Variants in OSBPL1A observed in about 807,000 individuals in gnomAD.
OSBPL1A encodes oxysterol-binding protein-related protein 1.
Under a neutral mutation model 137.1 loss-of-function variants are expected in OSBPL1A, and 80 were observed. The observed-to-expected ratio is 0.58, with a 90% CI of 0.49 to 0.70. The LOEUF is 0.70. Among genes scored for constraint, OSBPL1A ranks in the 30% least tolerant of loss-of-function variants. The probability of loss-of-function intolerance (pLI) is 0.00; values close to 1 mark genes in which losing one functional copy is unlikely to be tolerated. For synonymous variants in OSBPL1A, 365 were observed against 389.7 expected (o/e 0.94, Z 0.75); for missense variants, 970 against 1,129.4 (o/e 0.86, Z 2.02).
intron 17 of OSBPL1A, among the ~76,000 whole-genome samples, chr18:24,220,808 GT>G (rs1196440747): frequency 6.6e-6 from 1 of 151,386 alleles, no homozygotes; most frequent in Admixed American, 6.6e-5. Context: ...GTGAGATTTT[GT>G]TTTGTTTTGG....
intron 21 of OSBPL1A, among the ~76,000 whole-genome samples, chr18:24,175,058 T>A (rs2086388402): frequency 6.9e-6 from 1 of 144,582 alleles, no homozygotes; most frequent in Non-Finnish European, 1.5e-5. Flanking sequence ...GAATTATAGG[T>A]GTGAGCCACT....
At chr18:24,361,227 A>G (rs1476814537) in intron 4 of OSBPL1A, among the ~76,000 whole-genome samples, 1 of 152,082 alleles carries the variant, frequency 6.6e-6, no homozygotes, top group African/African-American at 2.4e-5. Flanking sequence ...AGGTCTCCCT[A>G]TGTTGCCCAA....
Position 24,377,463 on chromosome 18 carries a change from A to C in OSBPL1A, c.71T>G (p.Leu24Arg). ...TTCATTCCTCGCCATGGTCTCTAAT[A>C]GTTGTCTTACTTCTTCAGCATTGCC... ...RNGNAEEVRQLLETMARNEVI... is the reference protein window; with the variant it reads ...RNGNAEEVRQRLETMARNEVI... The change falls in exon 2 of 28, where the codon CTA (leucine) becomes CGA (arginine). Residue 24 changes from leucine (L) to arginine (R), a missense_variant. By Grantham distance (102) the Leu-to-Arg change is moderately radical. Transcript: ENST00000319481. The C allele has an allele frequency of 6.2e-7, 1 of 1,612,678 alleles. No individual in the cohort carries two copies. Among genetic ancestry groups the C allele is most frequent in the African/African-American group, 1.3e-5 (1 of 75,020 alleles).
At chr18:24,358,077 G>A in intron 4 of OSBPL1A, 1 of 222,538 alleles carries the variant, frequency 4.5e-6, no homozygotes, top group African/African-American at 2.3e-5. Context: ...AAGTAGGGCT[G>A]TACACATTGG....
At chr18:24,207,912 G>A (rs999389664) in intron 17 of OSBPL1A, among the ~76,000 whole-genome samples, 1 of 152,020 alleles carries the variant, frequency 6.6e-6, no homozygotes. Flanking sequence ...CACTGGCTAC[G>A]TTTCGTATTT....
intron 14 of OSBPL1A, among the ~76,000 whole-genome samples, chr18:24,291,836 T>G (rs1441641519): frequency 6.6e-6 from 1 of 151,204 alleles, no homozygotes; most frequent in Non-Finnish European, 1.5e-5. Flanking sequence ...GTGGATCACC[T>G]GAGGTCAGGA....
At chr18:24,255,819 C>T (rs1415829321) in intron 15 of OSBPL1A, among the ~76,000 whole-genome samples, 1 of 148,792 alleles carries the variant, frequency 6.7e-6, no homozygotes, top group Non-Finnish European at 1.5e-5. Context: ...TGCAGTGGTG[C>T]GCTCTCTGCT....
chr18:24,298,864 C>T (rs1193795946), intron 14 of OSBPL1A, among the ~76,000 whole-genome samples: 8 of 152,152 alleles, frequency 5.3e-5, no homozygotes, highest in African/African-American at 1.9e-4. Flanking sequence ...TGCTGTCTAT[C>T]TCATTTCTTA....
In OSBPL1A at chr18:24,355,016, C is replaced by T. The variant is rs116699380; in HGVS notation, c.282+11876G>A. Among the ~76,000 whole-genome samples, 1,021 of 152,246 alleles carry T rather than the reference C, an allele frequency of 6.7e-3. 13 individuals carry two copies. The highest frequency in any genetic ancestry group is 0.023 in the African/African-American group (975 of 41,542). On this transcript the variant is annotated intron_variant, in intron 4 of 27. Coordinates refer to ENST00000319481, the MANE Select transcript of OSBPL1A (RefSeq NM_080597.4). ...ATCACTTTCCCCACACCACCCCTTG[C>T]TGTCAGTGAACTCAGGTCCACAGTG...
At chr18:24,283,298 A>ATG (rs1235414231) in intron 14 of OSBPL1A, among the ~76,000 whole-genome samples, 2 of 119,052 alleles carry the variant, frequency 1.7e-5, no homozygotes, top group African/African-American at 2.8e-5. Flanking sequence ...ATATATATAT[A>ATG]TATATGTATA....
chr18:24,351,975 G>A (rs1172636549), intron 4 of OSBPL1A, among the ~76,000 whole-genome samples: 1 of 152,192 alleles, frequency 6.6e-6, no homozygotes, highest in African/African-American at 2.4e-5. Flanking sequence ...CATAGGCTAA[G>A]AGAATGAAAA....
chr18:24,250,160 TTG>T lies in OSBPL1A; in HGVS notation c.1282-10780_1282-10779del, dbSNP rs1320311508. The stretch of plus-strand genomic sequence containing the variant: ...CCAGAAGGCGTTTGTGTGTTTTTGT[TTG>T]TTTGTTTGTTTGTTTGTTTGTTTGT... On this transcript the variant is annotated intron_variant, in intron 15 of 27. Coordinates refer to ENST00000319481, the MANE Select transcript of OSBPL1A (RefSeq NM_080597.4). 3.4e-3 allele frequency among the ~76,000 whole-genome samples: 179 copies of T among 53,122 alleles called. 13 individuals carry two copies. In the East Asian group the frequency reaches 0.068, roughly 20 times the overall value. 34.9% of individuals were successfully genotyped at this position (53,122 alleles called of 152,430 possible).
rs1225134138 is a variant in OSBPL1A at position 24,280,898 on chromosome 18, T to A, written c.1225A>T (p.Arg409Ter). The A allele has an allele frequency of 6.2e-7, 1 of 1,610,008 alleles. No homozygotes were observed. ...TCAGTCAAAGCTACACAAGTTTCTC[T>A]AGAAGCTTCTGAGACAACTTCAACT... ...QKVEVVSEAS[R>*]ETCVALTDCL... The change falls in exon 15 of 28, where the codon AGA becomes TGA. Residue 409 changes from arginine to a stop codon, truncating the protein, a stop_gained. Transcript: ENST00000319481. LOFTEE classifies it high-confidence loss of function.
chr18:24,356,147 G>C (rs2091531151), intron 4 of OSBPL1A, among the ~76,000 whole-genome samples: 1 of 150,950 alleles, frequency 6.6e-6, no homozygotes, highest in East Asian at 1.9e-4. Flanking sequence ...CTGCATTCCA[G>C]CCTAGGCAAC....
chr18:24,288,658 C>G (rs1051233079), intron 14 of OSBPL1A, among the ~76,000 whole-genome samples: 4 of 151,780 alleles, frequency 2.6e-5, no homozygotes, highest in African/African-American at 9.7e-5. Flanking sequence ...ATCCCAGCTA[C>G]TTGGGAAGCT....
intron 4 of OSBPL1A, among the ~76,000 whole-genome samples, chr18:24,349,605 A>T (rs2091403350): frequency 6.6e-6 from 1 of 152,162 alleles, no homozygotes; most frequent in African/African-American, 2.4e-5. Flanking sequence ...GTGAGCCCTC[A>T]AAAGGGGCTA....
chr18:24,166,094 AT>A (rs2086140365), intron 26 of OSBPL1A, among the ~76,000 whole-genome samples: 2 of 152,176 alleles, frequency 1.3e-5, no homozygotes, highest in Admixed American at 1.3e-4. Flanking sequence ...AAGACTCTGT[AT>A]AAAAAAAGAA....
At chr18:24,176,547 A>G (rs2086451264) in intron 21 of OSBPL1A, among the ~76,000 whole-genome samples, 1 of 151,914 alleles carries the variant, frequency 6.6e-6, no homozygotes, top group African/African-American at 2.4e-5. Flanking sequence ...GGTATGCTGA[A>G]TGATTTTGGA....
intron 16 of OSBPL1A, among the ~76,000 whole-genome samples, chr18:24,230,646 A>T (rs568094992): frequency 2.5e-4 from 38 of 152,344 alleles, no homozygotes. Flanking sequence ...TAGACTTCAG[A>T]CAATGGCAGC....
Sources: gnomAD v4.1 joint callset for allele counts (sites outside exome capture counted in the v4.1 genomes callset) on GRCh38, gnomAD v4.1.1 for gene constraint, MANE v1.5 for transcripts, NCBI Gene and HGNC (gene_info 2026-07-23, HGNC 2026-07-21) for gene names.